PLD5: variants seen among roughly 807,000 people sequenced by gnomAD.
PLD5 encodes inactive phospholipase D5.
A neutral mutation model predicts 61.1 loss-of-function variants in PLD5; 36 were observed. That is an observed-to-expected ratio of 0.59 (90% CI 0.45 to 0.78). The LOEUF (loss-of-function observed/expected upper bound fraction) is 0.78. Ranked by LOEUF, PLD5 falls within the 30% of genes least tolerant of loss-of-function variation. PLD5 has a pLI of 0.00. For synonymous variants in PLD5, 243 were observed against 242.8 expected, an observed-to-expected ratio of 1.00 and a Z score of -0.01; for missense variants, 515 against 644.4, an observed-to-expected ratio of 0.80 and a Z score of 2.17.
chr1:242,472,755 TA>T (rs1667481495), intron 1 of PLD5, among the ~76,000 whole-genome samples: 1 of 152,200 alleles, frequency 6.6e-6, no homozygotes, highest in Non-Finnish European at 1.5e-5. Flanking sequence ...TTTTAAAATC[TA>T]AAATATTTTC....
upstream of PLD5, among the ~76,000 whole-genome samples, chr1:242,528,318 C>T (rs571490481): frequency 1.1e-4 from 17 of 152,292 alleles, no homozygotes; most frequent in East Asian, 3.3e-3. Flanking sequence ...GTTCTTAGAA[C>T]TTTCAGGCCC....
chr1:242,326,041 C>T (rs1304386135), intron 2 of PLD5, among the ~76,000 whole-genome samples: 3 of 152,062 alleles, frequency 2.0e-5, no homozygotes, highest in Admixed American at 2.0e-4. Flanking sequence ...GCATGTGTCA[C>T]CACATCTGGC....
chr1:242,323,770 T>G (rs1180822032), intron 2 of PLD5, among the ~76,000 whole-genome samples: 2 of 152,172 alleles, frequency 1.3e-5, no homozygotes, highest in Admixed American at 1.3e-4. Flanking sequence ...AAATTTTATA[T>G]TTTTACAAGA....
In PLD5 at chr1:242,168,846, G is replaced by GTTTTTTTTTTTTTTTTTTT. The variant is rs34280777; in HGVS notation, c.736-44200_736-44182dup. 4.0e-3 allele frequency among the ~76,000 whole-genome samples: 443 copies of GTTTTTTTTTTTTTTTTTTT among 111,238 alleles called. 33 individuals are homozygous for GTTTTTTTTTTTTTTTTTTT. Among genetic ancestry groups the GTTTTTTTTTTTTTTTTTTT allele is most frequent in the African/African-American group, 6.4e-3 (171 of 26,778 alleles). 73.0% of individuals were successfully genotyped at this position (111,238 alleles called of 152,430 possible). ...TCCATGACAGTTTTTAATTAATGAA[G>GTTTTTTTTTTTTTTTTTTT]TTTTTTTTTTTTTTTTTTTTACCAC... On this transcript the variant is annotated intron_variant, in intron 5 of 9. Coordinates refer to ENST00000536534, the MANE Select transcript of PLD5 (RefSeq NM_001372062.1).
chr1:242,466,339 C>T (rs192650639), intron 1 of PLD5, among the ~76,000 whole-genome samples: 39 of 152,080 alleles, frequency 2.6e-4, no homozygotes, highest in Admixed American at 7.2e-4. Flanking sequence ...GAAAAACGGA[C>T]CATCAAGATA....
chr1:242,193,612 A>G (rs1333063840), intron 5 of PLD5, among the ~76,000 whole-genome samples: 1 of 152,248 alleles, frequency 6.6e-6, no homozygotes. Context: ...GATCATCAGA[A>G]CAACAGGTCA....
chr1:242,215,120 C>T lies in PLD5; in HGVS notation c.735+4868G>A, dbSNP rs534188540. On this transcript the variant is annotated intron_variant, in intron 5 of 9. Coordinates refer to ENST00000536534, the MANE Select transcript of PLD5 (RefSeq NM_001372062.1). ...AACCAGAATGGTCTTGATCTCCTGA[C>T]CTTGTGATCTGCCCACCTCAGCCTC... is the stretch of plus-strand genomic sequence containing the variant. 1.6e-3 allele frequency among the ~76,000 whole-genome samples: 240 copies of T among 149,946 alleles called. 2 individuals are homozygous for T. The highest frequency in any genetic ancestry group is 2.7e-4 in the Non-Finnish European group (18 of 67,784).
chr1:242,317,845 A>C (rs1305958307), intron 2 of PLD5, among the ~76,000 whole-genome samples: 1 of 151,996 alleles, frequency 6.6e-6, no homozygotes, highest in Non-Finnish European at 1.5e-5. Context: ...CACAGAGAGG[A>C]AGAAGGGTTG....
At chr1:242,319,527 AGTTTT>A (rs1200403138) in intron 2 of PLD5, among the ~76,000 whole-genome samples, 1 of 152,086 alleles carries the variant, frequency 6.6e-6, no homozygotes, top group Non-Finnish European at 1.5e-5. Context: ...TCTGCCCCCC[AGTTTT>A]GTTCCTAAAT....
chr1:242,282,963 C>T (rs1293750645), intron 3 of PLD5, among the ~76,000 whole-genome samples: 5 of 152,266 alleles, frequency 3.3e-5, no homozygotes, highest in South Asian at 2.1e-4. Context: ...GTAAGGGCAC[C>T]GTCCAGTTTC....
the PLD5 span, among the ~76,000 whole-genome samples, chr1:242,529,778 T>TCTTCCTCCCTTCCTTCCTTCCTTC: frequency 8.8e-4 from 114 of 129,872 alleles, 2 homozygotes; most frequent in African/African-American, 3.3e-3. Flanking sequence ...GGCACTGGGA[T>TCTTCCTCCCTTCCTTCCTTCCTTC]CTTCCTTCCT....
At chr1:242,352,099 C>T (rs1301529404) in intron 1 of PLD5, among the ~76,000 whole-genome samples, 1 of 152,052 alleles carries the variant, frequency 6.6e-6, no homozygotes, top group African/African-American at 2.4e-5. Context: ...ATACAATGTA[C>T]AGTACTCAAT....
At chr1:242,221,643 C>G (rs10926657) in intron 4 of PLD5, among the ~76,000 whole-genome samples, 1 of 152,016 alleles carries the variant, frequency 6.6e-6, no homozygotes, top group Non-Finnish European at 1.5e-5. Context: ...TCTTTGTCTT[C>G]CAAGTGGCGG....
chr1:242,457,401 C>T (rs1261303378), intron 1 of PLD5, among the ~76,000 whole-genome samples: 1 of 152,180 alleles, frequency 6.6e-6, no homozygotes, highest in Non-Finnish European at 1.5e-5. Context: ...AGTTCTGTTA[C>T]TGCTGCCGAA....
intron 1 of PLD5, among the ~76,000 whole-genome samples, chr1:242,357,411 TG>T (rs1660811613): frequency 6.6e-6 from 1 of 151,450 alleles, no homozygotes; most frequent in African/African-American, 2.4e-5. Context: ...AACTCCTTTT[TG>T]GGTTGAACTT....
At chr1:242,162,291 A>G (rs1373870491) in intron 5 of PLD5, among the ~76,000 whole-genome samples, 1 of 152,206 alleles carries the variant, frequency 6.6e-6, no homozygotes, top group Non-Finnish European at 1.5e-5. Context: ...ATAAACTGGA[A>G]GCTCTTTGCT....
chr1:242,348,742 A>G (rs1261082398), intron 1 of PLD5, among the ~76,000 whole-genome samples: 3 of 152,140 alleles, frequency 2.0e-5, no homozygotes, highest in Admixed American at 6.5e-5. Context: ...GGTTTTATAC[A>G]TTTTAGGGAG....
chr1:242,244,586 A>G (rs987627777), intron 4 of PLD5, among the ~76,000 whole-genome samples: 1 of 152,216 alleles, frequency 6.6e-6, no homozygotes, highest in Non-Finnish European at 1.5e-5. Context: ...AATGGAGAGG[A>G]TGGATATGTG....
intron 5 of PLD5, among the ~76,000 whole-genome samples, chr1:242,207,742 A>ATATATATATT: frequency 1.2e-5 from 1 of 86,506 alleles, no homozygotes; most frequent in African/African-American, 4.4e-5. Flanking sequence ...GATGTTTTAT[A>ATATATATATT]TATATTTATA....
Sources: gnomAD v4.1 joint callset for allele counts (sites outside exome capture counted in the v4.1 genomes callset) on GRCh38, gnomAD v4.1.1 for gene constraint, MANE v1.5 for transcripts, NCBI Gene and HGNC (gene_info 2026-07-23, HGNC 2026-07-21) for gene names.